Variants in SH3KBP1 observed in about 807,000 individuals in gnomAD.
SH3KBP1 encodes the protein SH3 domain-containing kinase-binding protein 1.
In SH3KBP1, 8 loss-of-function variants were observed where a neutral mutation model predicts 50.1. The ratio of observed to expected loss-of-function variants is 0.16; its 90% CI spans 0.09 to 0.29. The LOEUF (loss-of-function observed/expected upper bound fraction) is 0.29, where lower values mean the gene tolerates loss of function less well. Ranked by LOEUF, SH3KBP1 falls within the 10% of genes least tolerant of loss-of-function variation. The pLI, the probability that SH3KBP1 is intolerant of heterozygous loss-of-function variation, is 1.00. For synonymous variants in SH3KBP1, 227 were observed against 218.6 expected (o/e 1.04, Z -0.34); for missense variants, 377 against 535.2 (o/e 0.70, Z 2.92).
At chrX:19,674,709 T>C (rs753554902) in intron 6 of SH3KBP1, among the ~76,000 whole-genome samples, 5 of 112,189 alleles carry the variant, frequency 4.5e-5, no homozygotes, top group Admixed American at 9.5e-5. Flanking sequence ...TAAGACTTGG[T>C]GATATGAAAC....
At chrX:19,563,679 G>A (rs1314072730) in intron 13 of SH3KBP1, among the ~76,000 whole-genome samples, 2 of 112,100 alleles carry the variant, frequency 1.8e-5, no homozygotes, top group East Asian at 5.6e-4. Context: ...GATAGGGACC[G>A]GAGCTGCACA....
chrX:19,852,878 G>A (rs745503746), intron 1 of SH3KBP1, among the ~76,000 whole-genome samples: 2 of 111,466 alleles, frequency 1.8e-5, no homozygotes, highest in East Asian at 5.6e-4. Flanking sequence ...AGAGAAGTCA[G>A]AGAACAATAA....
intron 1 of SH3KBP1, among the ~76,000 whole-genome samples, chrX:19,842,047 T>C (rs1243193807): frequency 9.0e-6 from 1 of 110,516 alleles, no homozygotes; most frequent in Non-Finnish European, 1.9e-5. Flanking sequence ...AACCAATCAG[T>C]GGCTGCCTAG....
rs114103330 is a variant in SH3KBP1 at position 19,883,070 on chromosome X, G to A, written c.4+4237C>T. On this transcript the variant is annotated intron_variant, in intron 1 of 17. Transcript: ENST00000397821. ...CCCCAGTGAACCACGAGCTCCGGAT[G>A]TCAGCTTTCTCAACTGTAAGGCAAG... is the stretch of plus-strand genomic sequence containing the variant. 7.0e-3 allele frequency among the ~76,000 whole-genome samples: 782 copies of A among 112,309 alleles called. 10 individuals carry two copies. Among genetic ancestry groups the A allele is most frequent in the African/African-American group, 0.023 (716 of 30,949 alleles).
At chrX:19,800,971 C>A (rs982193680) in intron 2 of SH3KBP1, among the ~76,000 whole-genome samples, 42 of 111,561 alleles carry the variant, frequency 3.8e-4, no homozygotes, top group Middle Eastern at 4.2e-3. Context: ...TGGTTGCCTA[C>A]CCAGTAGAGC....
At chrX:19,711,207 A>T (rs2063767294) in intron 3 of SH3KBP1, among the ~76,000 whole-genome samples, 1 of 111,421 alleles carries the variant, frequency 9.0e-6, no homozygotes, top group African/African-American at 3.3e-5. Context: ...CTGCACTAAC[A>T]TGGTATTTGT....
At chrX:19,687,608 G>T (rs776083945) in intron 5 of SH3KBP1, 3 of 1,194,124 alleles carry the variant, frequency 2.5e-6, no homozygotes, top group Admixed American at 2.2e-5. Context: ...TGCTGTTAAG[G>T]TCACTCACTG....
At chrX:19,715,311 A>T (rs1253659291) in intron 3 of SH3KBP1, among the ~76,000 whole-genome samples, 1 of 109,699 alleles carries the variant, frequency 9.1e-6, no homozygotes, top group Non-Finnish European at 1.9e-5. Context: ...CCCAATGATT[A>T]AAAAAAGTAA....
chrX:19,777,920 T>C (rs2066031632), intron 2 of SH3KBP1, among the ~76,000 whole-genome samples: 1 of 110,868 alleles, frequency 9.0e-6, no homozygotes, highest in Non-Finnish European at 1.9e-5. Flanking sequence ...TATGCTCTGG[T>C]GTGAGAGTCA....
At chrX:19,733,966 C>T (rs1288189452) in intron 3 of SH3KBP1, among the ~76,000 whole-genome samples, 2 of 111,936 alleles carry the variant, frequency 1.8e-5, no homozygotes, top group African/African-American at 6.5e-5. Flanking sequence ...ATCCAAGTAC[C>T]ATAAAATATA....
Position 19,887,374 on chromosome X carries a change from T to TGGGGCGCCGGGATC in SH3KBP1, c.-78_-65dup, listed in dbSNP as rs1380182726. On this transcript the variant is annotated 5_prime_UTR_variant, in exon 1 of 18. Coordinates refer to ENST00000397821, the MANE Select transcript of SH3KBP1 (RefSeq NM_031892.3). The stretch of plus-strand genomic sequence containing the variant: ...AGTTGGCGGAGGCGGGCGTGGGGGT[T>TGGGGCGCCGGGATC]GGGGCGCCGGGATCGGGGCGCTGGG... 2 of 912,117 alleles carry TGGGGCGCCGGGATC rather than the reference T, an allele frequency of 2.2e-6. No individual in the cohort carries two copies. Among genetic ancestry groups the TGGGGCGCCGGGATC allele is most frequent in the Non-Finnish European group, 2.7e-6 (2 of 731,065 alleles). The allele number at this position is 912,117 out of a possible 1,213,427, so 75.2% of individuals were successfully genotyped here.
At chrX:19,611,201 A>T (rs1400039677) in intron 8 of SH3KBP1, among the ~76,000 whole-genome samples, 2 of 111,334 alleles carry the variant, frequency 1.8e-5, no homozygotes, top group African/African-American at 6.5e-5. Flanking sequence ...CTTTCTAAAC[A>T]GTGTAAATCC....
Position 19,821,389 on chromosome X carries a change from TCAA to T in SH3KBP1, c.162+14733_162+14735del, listed in dbSNP as rs767371661. Among the ~76,000 whole-genome samples, 48 of 111,594 alleles carry T rather than the reference TCAA, an allele frequency of 4.3e-4. 1 individual carries two copies. In the South Asian group the frequency reaches 5.6e-3, roughly 13 times the overall value. ...CTGGACAACAGAGCAAGATTCCGTCTCAACAACAACAACAGAAAAAAATTAATG... is the reference window on the plus strand; with the variant it reads ...CTGGACAACAGAGCAAGATTCCGTCTCAACAACAACAGAAAAAAATTAATG... On this transcript the variant is annotated intron_variant, in intron 2 of 17. Coordinates refer to ENST00000397821, the MANE Select transcript of SH3KBP1 (RefSeq NM_031892.3).
chrX:19,796,284 G>C (rs1352906863), intron 2 of SH3KBP1, among the ~76,000 whole-genome samples: 1 of 111,933 alleles, frequency 8.9e-6, no homozygotes, highest in Non-Finnish European at 1.9e-5. Context: ...CAACCTATGT[G>C]CTTAGGAACA....
intron 9 of SH3KBP1, among the ~76,000 whole-genome samples, chrX:19,600,257 G>A (rs1052514516): frequency 6.4e-5 from 7 of 109,775 alleles, no homozygotes; most frequent in African/African-American, 2.0e-4. Context: ...GGTGGCGCAT[G>A]CCTGTGGTCC....
At chrX:19,659,508 C>A (rs768961051) in intron 6 of SH3KBP1, among the ~76,000 whole-genome samples, 251 of 111,139 alleles carry the variant, frequency 2.3e-3, no homozygotes, top group African/African-American at 7.6e-3. Context: ...AAACAAGAGA[C>A]CTTCCCACCT....
At chrX:19,735,990 C>T (rs1363191381) in intron 3 of SH3KBP1, among the ~76,000 whole-genome samples, 1 of 111,679 alleles carries the variant, frequency 9.0e-6, no homozygotes, top group Non-Finnish European at 1.9e-5. Context: ...TCCCAAAGTG[C>T]TGGAATTATA....
chrX:19,657,645 T>A (rs1365265373), intron 6 of SH3KBP1, among the ~76,000 whole-genome samples: 1 of 107,126 alleles, frequency 9.3e-6, no homozygotes, highest in African/African-American at 3.4e-5. Context: ...GGAGAATCGC[T>A]TGAACCCGGG....
intron 6 of SH3KBP1, among the ~76,000 whole-genome samples, chrX:19,672,301 C>T (rs900145704): frequency 4.5e-5 from 5 of 111,922 alleles, no homozygotes; most frequent in African/African-American, 1.6e-4. Context: ...GATACTCCTC[C>T]CTCAAGGAGG....
Sources: allele counts gnomAD v4.1 joint callset (sites outside exome capture counted in the v4.1 genomes callset), GRCh38; gene constraint gnomAD v4.1.1; transcripts MANE v1.5; gene names NCBI Gene and HGNC (gene_info 2026-07-23, HGNC 2026-07-21).